Variants in COL14A1 observed in about 807,000 individuals in gnomAD.
The protein encoded by COL14A1 is collagen alpha-1(XIV) chain.
Under a neutral mutation model 230.3 loss-of-function variants are expected in COL14A1, and 136 were observed. That is an observed-to-expected ratio of 0.59 (90% CI 0.51 to 0.68). The LOEUF (loss-of-function observed/expected upper bound fraction) is 0.68. Ranked by LOEUF, COL14A1 falls within the 30% of genes least tolerant of loss-of-function variation. The pLI is 0.00. For synonymous variants in COL14A1, 792 were observed against 784.1 expected (o/e 1.01, Z -0.17); for missense variants, 1,976 against 2,215.8 (o/e 0.89, Z 2.17).
At chr8:120,192,874 C>T (rs959118651) in intron 5 of COL14A1, among the ~76,000 whole-genome samples, 4 of 152,294 alleles carry the variant, frequency 2.6e-5, no homozygotes, top group South Asian at 2.1e-4. Context: ...ACGTAGTTCT[C>T]GAGCCTTGGC....
chr8:120,162,375 C>G (rs550456617), intron 3 of COL14A1, 51 bp from the exon 4 acceptor site: 1 of 1,480,394 alleles, frequency 6.8e-7, no homozygotes, highest in African/African-American at 1.4e-5. Context: ...TCTTAATGTA[C>G]ACAGTGGACC....
chr8:120,155,272 A>G (rs1298186132), intron 2 of COL14A1, among the ~76,000 whole-genome samples: 2 of 152,174 alleles, frequency 1.3e-5, no homozygotes, highest in East Asian at 1.9e-4. Flanking sequence ...TGGTCGTTGC[A>G]TTTGCTTCAA....
intron 1 of COL14A1, among the ~76,000 whole-genome samples, chr8:120,125,629 A>T (rs1210084022): frequency 6.6e-6 from 1 of 151,944 alleles, no homozygotes; most frequent in Non-Finnish European, 1.5e-5. Flanking sequence ...CCAGTGTTTG[A>T]GTGACGTGAG....
At chr8:120,301,682 T>C (rs899904206) in intron 36 of COL14A1, among the ~76,000 whole-genome samples, 1 of 152,174 alleles carries the variant, frequency 6.6e-6, no homozygotes, top group African/African-American at 2.4e-5. Context: ...TATATGTCTT[T>C]ATGATAGAAG....
chr8:120,196,585 T>G (rs942883355), intron 5 of COL14A1, among the ~76,000 whole-genome samples: 21 of 152,214 alleles, frequency 1.4e-4, no homozygotes, highest in African/African-American at 4.8e-4. Context: ...TTTTCCTATT[T>G]CCAGAGTACT....
At chr8:120,199,661 G>A in intron 8 of COL14A1, 95 bp downstream of exon 8, 2 of 1,296,802 alleles carry the variant, frequency 1.5e-6, no homozygotes, top group South Asian at 2.9e-5. Context: ...CTGAAAGCCA[G>A]GAGACCTGAG....
chr8:120,179,973 T>C (rs1014375532), intron 5 of COL14A1, among the ~76,000 whole-genome samples: 6 of 152,156 alleles, frequency 3.9e-5, no homozygotes, highest in African/African-American at 1.4e-4. Context: ...TTAATGGTGT[T>C]GGGAAAACTG....
At chr8:120,173,599 A>G (rs538696513) in intron 5 of COL14A1, among the ~76,000 whole-genome samples, 99 of 74,492 alleles carry the variant, frequency 1.3e-3, no homozygotes, top group African/African-American at 3.9e-3. Flanking sequence ...TTTATCATCT[A>G]TCAATCATCT....
At chr8:120,203,653 C>T (rs1365193731) in intron 8 of COL14A1, 56 bp from the exon 9 acceptor site, 2 of 1,577,046 alleles carry the variant, frequency 1.3e-6, no homozygotes, top group Admixed American at 1.7e-5. Context: ...CCACCGCAGT[C>T]ACTCTTTCCA....
chr8:120,283,700 G>T lies in COL14A1; in HGVS notation c.3889G>T (p.Asp1297Tyr). The T allele has an allele frequency of 6.2e-7, 1 of 1,613,860 alleles. No individual in the cohort carries two copies. Residue 1297 changes from aspartate to tyrosine, a missense_variant, in exon 32 of 48, where the codon GAC becomes TAC. By Grantham distance (160) the Asp-to-Tyr change is radical (BLOSUM62 -3). Transcript: ENST00000297848. ...TISFLFRILP[D>Y]TPQEPFALWE... is the part of the protein sequence containing the mutation. ...CAGTTTTCTATTCCGGATTCTTCCT[G>T]ACACTCCACAGGAGCCATTTGCTCT...
At chr8:120,138,433 A>G (rs1350219525) in intron 1 of COL14A1, among the ~76,000 whole-genome samples, 2 of 152,188 alleles carry the variant, frequency 1.3e-5, no homozygotes, top group Admixed American at 6.5e-5. Flanking sequence ...TCCCTTCTCA[A>G]TATCTAGTTT....
Position 120,207,073 on chromosome 8 carries a change from C to T in COL14A1, c.1170C>T (p.Thr390=). 2 of 1,611,694 alleles carry T rather than the reference C, an allele frequency of 1.2e-6. No homozygotes were observed. The highest frequency in any genetic ancestry group is 2.2e-5 in the East Asian group (1 of 44,810). The change falls in exon 10 of 48, where the codon ACC becomes ACT. Residue 390 remains threonine, a synonymous_variant. Coordinates refer to ENST00000297848, the MANE Select transcript of COL14A1 (RefSeq NM_021110.4). ...AATACAGAGTTGTGTATTATCCTAC[C>T]AGGGGTGGAAAACCAGACGAGGTAA... The part of the protein sequence containing the change: ...VEKYRVVYYP[T]RGGKPDEVVV...
At chr8:120,310,860 T>C (rs953067534) in intron 37 of COL14A1, among the ~76,000 whole-genome samples, 2 of 152,224 alleles carry the variant, frequency 1.3e-5, no homozygotes, top group African/African-American at 4.8e-5. Context: ...TCACCCTCTT[T>C]GCTGAGGCAT....
intron 1 of COL14A1, among the ~76,000 whole-genome samples, chr8:120,141,840 C>A (rs1045913031): frequency 6.6e-5 from 10 of 152,076 alleles, no homozygotes; most frequent in Non-Finnish European, 1.5e-4. Flanking sequence ...TTAAAGAGGA[C>A]CTTTTTCTTC....
At position 120,297,496 on chromosome 8, in the gene COL14A1, C is replaced by T. The variant is rs769917993; in HGVS notation, c.4237-15C>T. 7.2e-7 allele frequency: 1 copy of T among 1,387,704 alleles called. No homozygotes were observed. Among genetic ancestry groups the T allele is most frequent in the Non-Finnish European group, 9.5e-7 (1 of 1,053,488 alleles). The allele number at this position is 1,387,704 out of a possible 1,614,324, so 86.0% of individuals were successfully genotyped here. On this transcript the variant is annotated splice_polypyrimidine_tract_variant and intron_variant, in intron 34 of 47. Transcript: ENST00000297848. The stretch of plus-strand genomic sequence containing the variant: ...ATATATTTTATTGAATGACAATTTT[C>T]TTTTTAAATCATAGTTCCAGTTACA...
chr8:120,349,166 G>T (rs958126455), intron 45 of COL14A1, among the ~76,000 whole-genome samples: 3 of 152,078 alleles, frequency 2.0e-5, no homozygotes, highest in Non-Finnish European at 4.4e-5. Context: ...CAGACCTGCA[G>T]CTGAGGGTCC....
chr8:120,322,115 A>T (rs1821472828), intron 40 of COL14A1, among the ~76,000 whole-genome samples: 1 of 151,842 alleles, frequency 6.6e-6, no homozygotes, highest in Admixed American at 6.6e-5. Context: ...GAATATGTAT[A>T]TATTAAAAAT....
chr8:120,270,424 T>C (rs888946195), intron 26 of COL14A1, among the ~76,000 whole-genome samples: 9 of 151,696 alleles, frequency 5.9e-5, no homozygotes, highest in Non-Finnish European at 1.3e-4. Flanking sequence ...GTCAGGGTGT[T>C]ATTTTTACAT....
intron 4 of COL14A1, among the ~76,000 whole-genome samples, chr8:120,163,366 T>C (rs1815755506): frequency 6.6e-6 from 1 of 152,140 alleles, no homozygotes; most frequent in Non-Finnish European, 1.5e-5. Context: ...GGAGAAAGGA[T>C]AGGGTGTGCA....
Sources: allele counts gnomAD v4.1 joint callset (sites outside exome capture counted in the v4.1 genomes callset), GRCh38; gene constraint gnomAD v4.1.1; transcripts MANE v1.5; gene names NCBI Gene and HGNC (gene_info 2026-07-23, HGNC 2026-07-21).